LUZP2: variants seen among roughly 807,000 people sequenced by gnomAD.
LUZP2 encodes leucine zipper protein 2.
Under a neutral mutation model 51.6 loss-of-function variants are expected in LUZP2, and 52 were observed. That is an observed-to-expected ratio of 1.01 (90% confidence interval 0.81 to 1.27). The LOEUF (loss-of-function observed/expected upper bound fraction) is 1.27. Among genes scored for constraint, LUZP2 ranks in the 50% most tolerant of loss-of-function variants. The pLI is 0.00. For missense variants in LUZP2, 436 were observed against 395.4 expected, an observed-to-expected ratio of 1.10 and a Z score of -0.87; for synonymous variants, 154 against 137.3, an observed-to-expected ratio of 1.12 and a Z score of -0.85.
At chr11:24,724,794 A>G (rs1358475389) in intron 1 of LUZP2, among the ~76,000 whole-genome samples, 2 of 152,214 alleles carry the variant, frequency 1.3e-5, no homozygotes, top group African/African-American at 2.4e-5. Context: ...AATAACTATG[A>G]CAACTAATAA....
At chr11:24,700,274 G>A (rs991631100) in intron 1 of LUZP2, among the ~76,000 whole-genome samples, 5 of 151,978 alleles carry the variant, frequency 3.3e-5, no homozygotes, top group East Asian at 3.9e-4. Context: ...ATGTTGGCCA[G>A]TCTGGTCTCA....
At chr11:24,809,307 G>A (rs979489533) in intron 5 of LUZP2, among the ~76,000 whole-genome samples, 1 of 152,050 alleles carries the variant, frequency 6.6e-6, no homozygotes, top group Non-Finnish European at 1.5e-5. Context: ...GAGTGGGAAG[G>A]GATAGCCTGA....
At chr11:24,801,867 G>C (rs931394129) in intron 5 of LUZP2, among the ~76,000 whole-genome samples, 1 of 149,906 alleles carries the variant, frequency 6.7e-6, no homozygotes, top group African/African-American at 2.5e-5. Flanking sequence ...TTACTAAACA[G>C]TTATGAGCTT....
intron 5 of LUZP2, among the ~76,000 whole-genome samples, chr11:24,857,946 C>T (rs959590253): frequency 1.3e-5 from 2 of 152,196 alleles, no homozygotes; most frequent in African/African-American, 4.8e-5. Flanking sequence ...ACATGGAATT[C>T]AAGTGATTTT....
At chr11:24,526,107 A>G (rs1850791695) in intron 1 of LUZP2, among the ~76,000 whole-genome samples, 1 of 150,654 alleles carries the variant, frequency 6.6e-6, no homozygotes, top group African/African-American at 2.4e-5. Flanking sequence ...GGTATGAATG[A>G]CATTTTAAGA....
intron 5 of LUZP2, among the ~76,000 whole-genome samples, chr11:24,809,856 T>C (rs1849966573): frequency 6.6e-6 from 1 of 152,134 alleles, no homozygotes; most frequent in African/African-American, 2.4e-5. Flanking sequence ...AAGGTATAAA[T>C]GAAAACTTTA....
chr11:24,742,057 T>TTTTATATATATATATATATATATATATA lies in LUZP2; in HGVS notation c.333+3756_333+3757insTTATATATATATATATATATATATATAT, dbSNP rs571183533. ...TATAAATACATAAAAATAAATATAA[T>TTTTATATATATATATATATATATATATA]TATATATATATATATATATCACCAT... On this transcript the variant is annotated intron_variant, in intron 4 of 11. Transcript: ENST00000336930. Among the ~76,000 whole-genome samples, 48 of 116,294 alleles carry TTTTATATATATATATATATATATATATA rather than the reference T, an allele frequency of 4.1e-4. 3 individuals are homozygous for TTTTATATATATATATATATATATATATA. Among genetic ancestry groups the TTTTATATATATATATATATATATATATA allele is most frequent in the African/African-American group, 2.0e-3 (48 of 23,836 alleles). 76.3% of individuals were successfully genotyped at this position (116,294 alleles called of 152,430 possible). A position where few individuals can be genotyped will look rare whatever the true frequency, so the allele number is the denominator to read the frequency against.
chr11:24,576,552 AG>A (rs1852657920), intron 1 of LUZP2, among the ~76,000 whole-genome samples: 2 of 149,978 alleles, frequency 1.3e-5, no homozygotes, highest in African/African-American at 4.9e-5. Context: ...GTAGGGAATG[AG>A]TAATCAACAA....
chr11:24,782,476 A>G (rs1348801246), intron 5 of LUZP2, among the ~76,000 whole-genome samples: 2 of 152,060 alleles, frequency 1.3e-5, no homozygotes, highest in Non-Finnish European at 2.9e-5. Flanking sequence ...TCATGGTATA[A>G]CAGAGATTTA....
At chr11:25,076,522 G>A (rs1590903070) in intron 10 of LUZP2, among the ~76,000 whole-genome samples, 1 of 149,618 alleles carries the variant, frequency 6.7e-6, no homozygotes, top group East Asian at 2.0e-4. Context: ...GTATCAGTAA[G>A]TAAAAAAAGA....
intron 4 of LUZP2, among the ~76,000 whole-genome samples, chr11:24,748,597 C>T (rs1168817879): frequency 6.6e-6 from 1 of 151,914 alleles, no homozygotes; most frequent in Non-Finnish European, 1.5e-5. Context: ...GTAACTGGGA[C>T]TACTGGCGCG....
chr11:24,593,245 A>G (rs12295428), intron 1 of LUZP2, among the ~76,000 whole-genome samples: 2,707 of 152,244 alleles, frequency 0.018, 75 homozygotes, highest in African/African-American at 0.06. Flanking sequence ...TTATATTGCA[A>G]ATGTCTTACA....
chr11:24,920,275 T>C (rs1377762484), intron 7 of LUZP2, among the ~76,000 whole-genome samples: 1 of 151,964 alleles, frequency 6.6e-6, no homozygotes, highest in Non-Finnish European at 1.5e-5. Flanking sequence ...GTGTTTGAAA[T>C]AAAATAGTGG....
intron 1 of LUZP2, among the ~76,000 whole-genome samples, chr11:24,501,772 G>T (rs569867416): frequency 6.6e-6 from 1 of 152,226 alleles, no homozygotes; most frequent in East Asian, 1.9e-4. Flanking sequence ...GATTAGTTAT[G>T]TATATCCATA....
intron 7 of LUZP2, among the ~76,000 whole-genome samples, chr11:24,971,783 A>G (rs748622038): frequency 6.6e-6 from 1 of 151,982 alleles, no homozygotes; most frequent in African/African-American, 2.4e-5. Flanking sequence ...TCTTTTTGTC[A>G]ACTCTGGTTT....
At chr11:25,051,208 T>A (rs1363729650) in intron 10 of LUZP2, among the ~76,000 whole-genome samples, 4 of 151,942 alleles carry the variant, frequency 2.6e-5, no homozygotes, top group Admixed American at 6.6e-5. Flanking sequence ...TCCCAACTAC[T>A]CGGGAGGCTG....
intron 1 of LUZP2, among the ~76,000 whole-genome samples, chr11:24,537,627 T>C (rs749463645): frequency 7.0e-6 from 1 of 142,168 alleles, no homozygotes; most frequent in African/African-American, 2.6e-5. Flanking sequence ...CCCTTTTTTA[T>C]AGCTTTTTAC....
In LUZP2 at chr11:24,986,973, T is replaced by C. The variant is rs550701123; in HGVS notation, c.765+3680T>C. On this transcript the variant is annotated intron_variant, in intron 9 of 11. Coordinates refer to ENST00000336930, the MANE Select transcript of LUZP2 (RefSeq NM_001009909.4). ...GACTAAGTAAAAATCTCTTTTCTGCTATTTTTTAATTTTAATACCTTGATC... is the reference window on the plus strand; with the variant it reads ...GACTAAGTAAAAATCTCTTTTCTGCCATTTTTTAATTTTAATACCTTGATC... Among the ~76,000 whole-genome samples the C allele has an allele frequency of 3.3e-5, 5 of 151,990 alleles. No individual in the cohort carries two copies. In the East Asian group the frequency reaches 9.7e-4, roughly 29 times the overall value.
At chr11:24,564,068 C>T (rs1190093080) in intron 1 of LUZP2, among the ~76,000 whole-genome samples, 1 of 152,024 alleles carries the variant, frequency 6.6e-6, no homozygotes, top group African/African-American at 2.4e-5. Context: ...ACTGAACTGC[C>T]CCATTACCTG....
Sources: gnomAD v4.1 joint callset for allele counts (sites outside exome capture counted in the v4.1 genomes callset) on GRCh38, gnomAD v4.1.1 for gene constraint, MANE v1.5 for transcripts, NCBI Gene and HGNC (gene_info 2026-07-23, HGNC 2026-07-21) for gene names.